CTPS2: variants seen among roughly 807,000 people sequenced by gnomAD.
CTPS2 encodes CTP synthase 2.
CTPS2 carries 19 observed loss-of-function variants against 46.8 expected under a neutral mutation model. The observed-to-expected ratio is 0.41, with a 90% CI of 0.28 to 0.60. The LOEUF is 0.60. CTPS2 is among the 20% of genes least tolerant of loss of function. CTPS2 has a pLI of 0.35. For synonymous variants in CTPS2, 151 were observed against 165.2 expected (o/e 0.91, Z 0.66); for missense variants, 286 against 447.6 (o/e 0.64, Z 3.26).
At chrX:16,664,395 C>T (rs948654868) in intron 13 of CTPS2, among the ~76,000 whole-genome samples, 1 of 111,513 alleles carries the variant, frequency 9.0e-6, no homozygotes, top group African/African-American at 3.3e-5. Flanking sequence ...CTTAAAAGTA[C>T]CATCTGGCTG....
chrX:16,679,659 T>A (rs1245498885), intron 9 of CTPS2, among the ~76,000 whole-genome samples: 2 of 110,630 alleles, frequency 1.8e-5, no homozygotes, highest in Non-Finnish European at 3.8e-5. Flanking sequence ...GTAGGTGGGG[T>A]CTTTGAGGGA....
At chrX:16,639,821 GA>G (rs1198340497) in intron 13 of CTPS2, among the ~76,000 whole-genome samples, 2 of 104,916 alleles carry the variant, frequency 1.9e-5, no homozygotes, top group African/African-American at 7.1e-5. Flanking sequence ...AAGAAAGAAA[GA>G]AAGAAAGAAG....
intron 14 of CTPS2, among the ~76,000 whole-genome samples, chrX:16,623,824 T>TTTTTC (rs1930973875): frequency 1.5e-5 from 1 of 68,720 alleles, no homozygotes; most frequent in African/African-American, 5.2e-5. Context: ...TTTTTTTTTT[T>TTTTTC]CTGAGACGGA....
intron 15 of CTPS2, among the ~76,000 whole-genome samples, chrX:16,619,024 C>G (rs1398264065): frequency 8.9e-6 from 1 of 112,267 alleles, no homozygotes; most frequent in Non-Finnish European, 1.9e-5. Flanking sequence ...AGTTCTTGCA[C>G]CTTCTCATTG....
chrX:16,705,143 T>TA (rs1279812398), intron 1 of CTPS2, among the ~76,000 whole-genome samples: 15 of 98,907 alleles, frequency 1.5e-4, no homozygotes, highest in South Asian at 9.0e-4. Context: ...AAAATTACTC[T>TA]AAAAAAAAAA....
At chrX:16,699,756 C>T (rs1209105098) in intron 2 of CTPS2, among the ~76,000 whole-genome samples, 5 of 112,166 alleles carry the variant, frequency 4.5e-5, no homozygotes, top group Non-Finnish European at 9.4e-5. Flanking sequence ...AGGGAACTAT[C>T]ATTTATTCCT....
Position 16,590,844 on chromosome X carries a change from G to A in CTPS2, c.1710C>T (p.Ala570=), listed in dbSNP as rs1928861191. The A allele has an allele frequency of 3.3e-6, 4 of 1,195,897 alleles. No individual in the cohort carries two copies. Among genetic ancestry groups the A allele is most frequent in the Non-Finnish European group, 4.5e-6 (4 of 882,577 alleles). Residue 570 remains alanine, a synonymous_variant, in exon 18 of 19, where the codon GCC becomes GCT. Transcript: ENST00000359276. ...TTGGCTCTGAAAAGCTGTCATCACT[G>A]GCATCACTGTATCTATCACTAGATT... is the stretch of plus-strand genomic sequence containing the variant. The part of the protein sequence containing the change: ...KLSSSDRYSD[A]SDDSFSEPRI...
intron 13 of CTPS2, among the ~76,000 whole-genome samples, chrX:16,654,060 G>A (rs1602206274): frequency 8.9e-6 from 1 of 112,023 alleles, no homozygotes; most frequent in Non-Finnish European, 1.9e-5. Context: ...TGTGTGCCGT[G>A]GGCAATCCAG....
At chrX:16,655,752 C>G (rs1932803188) in intron 13 of CTPS2, among the ~76,000 whole-genome samples, 1 of 111,647 alleles carries the variant, frequency 9.0e-6, no homozygotes, top group Non-Finnish European at 1.9e-5. Flanking sequence ...GTCCCATTGC[C>G]TTTGAACAGT....
At chrX:16,632,671 G>A (rs1931541162) in intron 14 of CTPS2, among the ~76,000 whole-genome samples, 1 of 111,557 alleles carries the variant, frequency 9.0e-6, no homozygotes, top group Non-Finnish European at 1.9e-5. Flanking sequence ...TGATCTGGCC[G>A]CCTTGGCCTC....
At chrX:16,690,000 C>T (rs1239233797) in intron 7 of CTPS2, among the ~76,000 whole-genome samples, 2 of 108,073 alleles carry the variant, frequency 1.9e-5, no homozygotes, top group African/African-American at 3.4e-5. Context: ...TGCAGTGAGT[C>T]GAGATCGCAC....
intron 10 of CTPS2, among the ~76,000 whole-genome samples, chrX:16,673,873 G>A (rs1047385596): frequency 9.0e-6 from 1 of 111,363 alleles, no homozygotes; most frequent in Non-Finnish European, 1.9e-5. Context: ...GGGACAAGTT[G>A]AAAGCCATGC....
intron 10 of CTPS2, among the ~76,000 whole-genome samples, chrX:16,672,860 A>C (rs1324378799): frequency 9.2e-6 from 1 of 108,785 alleles, no homozygotes; most frequent in Non-Finnish European, 1.9e-5. Context: ...ATTAATGGTA[A>C]AAAGGATTTG....
At chrX:16,663,905 G>A (rs911554665) in intron 13 of CTPS2, among the ~76,000 whole-genome samples, 3 of 110,396 alleles carry the variant, frequency 2.7e-5, no homozygotes, top group East Asian at 5.7e-4. Flanking sequence ...GTGCAATCTC[G>A]GCTCACTGGA....
chrX:16,612,963 C>A (rs1444539664), intron 16 of CTPS2, among the ~76,000 whole-genome samples: 1 of 112,301 alleles, frequency 8.9e-6, no homozygotes, highest in Admixed American at 9.5e-5. Flanking sequence ...CACTGAATGT[C>A]CATTGCTTTC....
chrX:16,635,393 C>T (rs2147233660), intron 14 of CTPS2, among the ~76,000 whole-genome samples: 1 of 111,984 alleles, frequency 8.9e-6, no homozygotes, highest in Non-Finnish European at 1.9e-5. Flanking sequence ...ACACTATCGG[C>T]CAGGCACGGC....
intron 13 of CTPS2, among the ~76,000 whole-genome samples, chrX:16,639,582 G>A (rs1931941905): frequency 9.1e-6 from 1 of 110,156 alleles, no homozygotes; most frequent in African/African-American, 3.3e-5. Flanking sequence ...CCACTTCGGT[G>A]TTCACATCTT....
At chrX:16,695,544 TTTTA>T (rs1184827935) in intron 4 of CTPS2, among the ~76,000 whole-genome samples, 5 of 111,471 alleles carry the variant, frequency 4.5e-5, no homozygotes, top group African/African-American at 9.7e-5. Context: ...CTTTTTTTAT[TTTTA>T]TTTATTTATT....
chrX:16,625,444 G>A (rs190225916), intron 14 of CTPS2, among the ~76,000 whole-genome samples: 1 of 111,952 alleles, frequency 8.9e-6, no homozygotes, highest in Non-Finnish European at 1.9e-5. Context: ...GCACACAGAC[G>A]GGCAGGTGCA....
Sources: gnomAD v4.1 joint callset for allele counts (sites outside exome capture counted in the v4.1 genomes callset) on GRCh38, gnomAD v4.1.1 for gene constraint, MANE v1.5 for transcripts, NCBI Gene and HGNC (gene_info 2026-07-23, HGNC 2026-07-21) for gene names.